KCNQ3: variants seen among roughly 807,000 people sequenced by gnomAD.
The protein encoded by KCNQ3 is potassium voltage-gated channel subfamily KQT member 3.
A neutral mutation model predicts 92.5 loss-of-function variants in KCNQ3; 30 were observed. That is an observed-to-expected ratio of 0.32 (90% confidence interval 0.24 to 0.44). KCNQ3 has a LOEUF of 0.44. Ranked by LOEUF, KCNQ3 falls within the 20% of genes least tolerant of loss-of-function variation. The probability of loss-of-function intolerance (pLI) is 1.00; values close to 1 mark genes in which losing one functional copy is unlikely to be tolerated. For missense variants in KCNQ3, 913 were observed against 1,140.3 expected (o/e 0.80, Z 2.87); for synonymous variants, 450 against 468.8 (o/e 0.96, Z 0.52).
intron 1 of KCNQ3, among the ~76,000 whole-genome samples, chr8:132,473,353 G>A (rs987626680): frequency 1.3e-5 from 2 of 152,142 alleles, no homozygotes; most frequent in Admixed American, 6.5e-5. Context: ...CAGTTTATAG[G>A]CATGGCTAAG....
chr8:132,315,148 A>G (rs1287561894), intron 1 of KCNQ3, among the ~76,000 whole-genome samples: 1 of 152,220 alleles, frequency 6.6e-6, no homozygotes, highest in Admixed American at 6.5e-5. Flanking sequence ...AGTGGGAGAA[A>G]TGAGAAATTG....
At chr8:132,258,329 A>T (rs1160526581) in intron 1 of KCNQ3, among the ~76,000 whole-genome samples, 1 of 152,190 alleles carries the variant, frequency 6.6e-6, no homozygotes, top group African/African-American at 2.4e-5. Flanking sequence ...ATGACAACGT[A>T]ATAAAATTAG....
At chr8:132,391,473 C>T (rs185107347) in intron 1 of KCNQ3, among the ~76,000 whole-genome samples, 26 of 152,108 alleles carry the variant, frequency 1.7e-4, no homozygotes, top group African/African-American at 3.6e-4. Context: ...AAATGCTTTA[C>T]GCCTCTGCAC....
At chr8:132,170,510 T>G in intron 7 of KCNQ3, 82 bp from the exon 8 acceptor site, 1 of 873,394 alleles carries the variant, frequency 1.1e-6, no homozygotes, top group Non-Finnish European at 1.9e-6. Context: ...CAAAACAATG[T>G]TTAAGCCCTG....
At chr8:132,317,703 G>A (rs1165124363) in intron 1 of KCNQ3, among the ~76,000 whole-genome samples, 5 of 152,126 alleles carry the variant, frequency 3.3e-5, no homozygotes, top group South Asian at 2.1e-4. Flanking sequence ...CTCTCCTCTT[G>A]TAGGTCATCC....
chr8:132,257,417 C>T (rs897723187), intron 1 of KCNQ3, among the ~76,000 whole-genome samples: 3 of 151,938 alleles, frequency 2.0e-5, no homozygotes, highest in East Asian at 1.9e-4. Flanking sequence ...ATTGATTAAA[C>T]ACTCCAATCA....
At chr8:132,250,424 T>A (rs548980187) in intron 1 of KCNQ3, among the ~76,000 whole-genome samples, 1 of 152,342 alleles carries the variant, frequency 6.6e-6, no homozygotes, top group South Asian at 2.1e-4. Flanking sequence ...AAATGGGACA[T>A]GTATTTAGCC....
chr8:132,411,601 C>T (rs1820654005), intron 1 of KCNQ3, among the ~76,000 whole-genome samples: 2 of 152,104 alleles, frequency 1.3e-5, no homozygotes, highest in African/African-American at 4.8e-5. Context: ...CTCTGAATAT[C>T]TGCTAGGGCT....
At chr8:132,273,162 G>A (rs906499995) in intron 1 of KCNQ3, among the ~76,000 whole-genome samples, 1 of 152,184 alleles carries the variant, frequency 6.6e-6, no homozygotes, top group Non-Finnish European at 1.5e-5. Context: ...GAGTGCCCTA[G>A]CAGAGGTTAT....
chr8:132,348,617 T>C (rs1022186313), intron 1 of KCNQ3, among the ~76,000 whole-genome samples: 12 of 152,356 alleles, frequency 7.9e-5, no homozygotes, highest in African/African-American at 1.9e-4. Flanking sequence ...AGCATGTGGC[T>C]AGTGGCTACC....
intron 1 of KCNQ3, among the ~76,000 whole-genome samples, chr8:132,192,771 T>A (rs1241962987): frequency 6.6e-6 from 1 of 152,166 alleles, no homozygotes; most frequent in Non-Finnish European, 1.5e-5. Context: ...TGCCTCAGTC[T>A]CCCAAAGAGC....
At chr8:132,205,230 G>A (rs548412578) in intron 1 of KCNQ3, among the ~76,000 whole-genome samples, 5 of 152,376 alleles carry the variant, frequency 3.3e-5, no homozygotes, top group Middle Eastern at 3.4e-3. Context: ...GAAGCACCAA[G>A]AGAGAAGCTT....
intron 1 of KCNQ3, among the ~76,000 whole-genome samples, chr8:132,188,787 T>C (rs900863665): frequency 6.6e-6 from 1 of 152,218 alleles, no homozygotes; most frequent in African/African-American, 2.4e-5. Context: ...TGGTTGAGGT[T>C]ATGACCCACG....
At chr8:132,417,817 C>T (rs1432831637) in intron 1 of KCNQ3, among the ~76,000 whole-genome samples, 1 of 152,220 alleles carries the variant, frequency 6.6e-6, no homozygotes, top group Non-Finnish European at 1.5e-5. Context: ...GCCAGTCATT[C>T]AGAACCTAGT....
chr8:132,348,209 G>GA lies in KCNQ3; in HGVS notation c.386+131937dup, dbSNP rs200552481. Reference sequence around the variant, plus strand: ...TGAATTACTATTTGCAGCTGCTAATGAAAAAAAAAATGCTGCCAGGATCAT... The same window carrying GA: ...TGAATTACTATTTGCAGCTGCTAATGAAAAAAAAAAATGCTGCCAGGATCAT... On this transcript the variant is annotated intron_variant, in intron 1 of 14. Coordinates refer to ENST00000388996, the MANE Select transcript of KCNQ3 (RefSeq NM_004519.4). Among the ~76,000 whole-genome samples the GA allele has an allele frequency of 9.7e-4, 145 of 148,776 alleles. 1 individual carries two copies. The highest frequency in any genetic ancestry group is 2.2e-3 in the African/African-American group (90 of 40,650).
At chr8:132,231,232 G>A (rs1006176707) in intron 1 of KCNQ3, among the ~76,000 whole-genome samples, 8 of 152,152 alleles carry the variant, frequency 5.3e-5, no homozygotes, top group Non-Finnish European at 5.9e-5. Flanking sequence ...TGGCTTCCAG[G>A]GCTGTGATAT....
chr8:132,438,902 C>T (rs1821460752), intron 1 of KCNQ3, among the ~76,000 whole-genome samples: 1 of 150,088 alleles, frequency 6.7e-6, no homozygotes, highest in Non-Finnish European at 1.5e-5. Context: ...TCCATTCCAG[C>T]CAGATGTAAC....
chr8:132,404,002 C>T (rs368110050), intron 1 of KCNQ3, among the ~76,000 whole-genome samples: 16 of 152,342 alleles, frequency 1.1e-4, no homozygotes, highest in African/African-American at 3.8e-4. Flanking sequence ...CTCCCTGAAT[C>T]TCTTCTGAGG....
intron 1 of KCNQ3, among the ~76,000 whole-genome samples, chr8:132,281,740 T>A (rs933316848): frequency 6.6e-6 from 1 of 152,074 alleles, no homozygotes; most frequent in African/African-American, 2.4e-5. Flanking sequence ...TACTGCAGCC[T>A]GGGAGAACTT....
Sources: allele counts gnomAD v4.1 joint callset (sites outside exome capture counted in the v4.1 genomes callset), GRCh38; gene constraint gnomAD v4.1.1; transcripts MANE v1.5; gene names NCBI Gene and HGNC (gene_info 2026-07-23, HGNC 2026-07-21).